The following RSPH14 variants were observed in gnomAD, a reference collection of about 807,000 sequenced individuals.
RSPH14 encodes the protein radial spoke head 14 homolog, also known as rhabdoid tumor deletion region gene 1.
A neutral mutation model predicts 26.7 loss-of-function variants in RSPH14; 20 were observed. The observed-to-expected ratio is 0.75, with a 90% CI of 0.53 to 1.09. The LOEUF is 1.09. RSPH14 is among the 50% of genes least tolerant of loss of function. The pLI, the probability that RSPH14 is intolerant of heterozygous loss-of-function variation, is 0.00. For synonymous variants in RSPH14, 177 were observed against 189.3 expected (o/e 0.93, Z 0.53); for missense variants, 449 against 457.2 (o/e 0.98, Z 0.16).
chr22:23,175,169 T>C, the RSPH14 span, among the ~76,000 whole-genome samples: 15 of 151,978 alleles, frequency 9.9e-5, no homozygotes, highest in South Asian at 3.1e-3. Flanking sequence ...CTAATTTGTT[T>C]TTGTATTTTT....
At chr22:23,122,942 G>T in intron 4 of RSPH14, 1 of 615,798 alleles carries the variant, frequency 1.6e-6, no homozygotes, top group Non-Finnish European at 2.9e-6. Flanking sequence ...TTTAACCTGG[G>T]CTTCCCCAGC....
At chr22:23,111,033 A>C (rs886281738) in intron 4 of RSPH14, among the ~76,000 whole-genome samples, 6 of 152,180 alleles carry the variant, frequency 3.9e-5, no homozygotes, top group African/African-American at 1.4e-4. Context: ...ATGAGGGGGT[A>C]GGATAGCACT....
chr22:23,166,046 T>C, the RSPH14 span, among the ~76,000 whole-genome samples: 8 of 147,818 alleles, frequency 5.4e-5, no homozygotes, highest in African/African-American at 2.0e-4. Flanking sequence ...CTTGGGAGGC[T>C]GAGGCAGGAG....
chr22:23,166,072 G>A, the RSPH14 span, among the ~76,000 whole-genome samples: 2 of 148,336 alleles, frequency 1.3e-5, no homozygotes, highest in African/African-American at 5.0e-5. Context: ...CTTGAACCTG[G>A]GAGGTGGAAG....
At chr22:23,108,519 C>T (rs2069550050) in intron 4 of RSPH14, among the ~76,000 whole-genome samples, 2 of 152,176 alleles carry the variant, frequency 1.3e-5, no homozygotes, top group Non-Finnish European at 2.9e-5. Context: ...ACACAGCCTG[C>T]CATGGAAGGC....
At chr22:23,082,129 A>C (rs2068699031) in intron 4 of RSPH14, among the ~76,000 whole-genome samples, 3 of 119,828 alleles carry the variant, frequency 2.5e-5, no homozygotes, top group South Asian at 4.6e-4. Flanking sequence ...CGCCTCAAAA[A>C]AAAAACAAAA....
chr22:23,089,706 G>A (rs1403933007), intron 4 of RSPH14, among the ~76,000 whole-genome samples: 1 of 152,200 alleles, frequency 6.6e-6, no homozygotes, highest in East Asian at 1.9e-4. Flanking sequence ...GGGTCTTGAG[G>A]GGGATGTCCA....
At chr22:23,156,811 C>T in the RSPH14 span, among the ~76,000 whole-genome samples, 1 of 152,328 alleles carries the variant, frequency 6.6e-6, no homozygotes, top group East Asian at 1.9e-4. Context: ...TTCGCCTCTT[C>T]GGGCCTCTCC....
intron 4 of RSPH14, chr22:23,070,371 G>GGCGGGCGGC (rs2068322375): frequency 1.4e-5 from 2 of 145,766 alleles, no homozygotes; most frequent in Non-Finnish European, 3.0e-5. Context: ...GGCGGCGGGC[G>GGCGGGCGGC]GCGGGCGGCG....
At chr22:23,118,144 C>T (rs1020620076) in intron 4 of RSPH14, among the ~76,000 whole-genome samples, 3 of 152,210 alleles carry the variant, frequency 2.0e-5, no homozygotes, top group Non-Finnish European at 2.9e-5. Context: ...CCTGTCTGAG[C>T]AGGAGCTCTC....
At chr22:23,084,526 A>C (rs900408523) in intron 4 of RSPH14, among the ~76,000 whole-genome samples, 8 of 152,218 alleles carry the variant, frequency 5.3e-5, no homozygotes, top group African/African-American at 1.9e-4. Context: ...TTGTATCAAA[A>C]GCCTTAAACC....
In RSPH14 at chr22:23,134,086, T is replaced by C. The variant is rs1190417591; in HGVS notation, c.361A>G (p.Ser121Gly). ...TACAGGTTCCCCCGGCAGACTGGGC[T>C]GGGGTCATTCAGCAGGAAGGACAGG... ...LALSFLLNDP[S>G]PVCRGNLYKA... Residue 121 changes from serine to glycine, a missense_variant, in exon 4 of 7, where the codon AGC becomes GGC. By Grantham distance (56) the Ser-to-Gly change is moderately conservative (BLOSUM62 0). Coordinates refer to ENST00000216036, the MANE Select transcript of RSPH14 (RefSeq NM_014433.3). 3.1e-6 allele frequency: 5 copies of C among 1,613,548 alleles called. No individual in the cohort carries two copies. Among genetic ancestry groups the C allele is most frequent in the Non-Finnish European group, 4.2e-6 (5 of 1,179,742 alleles).
intron 4 of RSPH14, chr22:23,131,443 T>A (rs1489659188): frequency 2.6e-6 from 1 of 380,912 alleles, no homozygotes; most frequent in East Asian, 7.5e-5. Context: ...GCTTGGACTG[T>A]ACCTATGATT....
At chr22:23,080,383 A>G (rs1382794208) in intron 4 of RSPH14, among the ~76,000 whole-genome samples, 4 of 149,610 alleles carry the variant, frequency 2.7e-5, no homozygotes, top group Admixed American at 6.5e-5. Context: ...CGGTCATCTC[A>G]TCTCCCCTTC....
intron 4 of RSPH14, among the ~76,000 whole-genome samples, chr22:23,117,984 C>A (rs1330203454): frequency 1.3e-5 from 2 of 152,190 alleles, no homozygotes; most frequent in Non-Finnish European, 2.9e-5. Context: ...GTCTGGCCAG[C>A]AGTCTGGCAG....
intron 4 of RSPH14, among the ~76,000 whole-genome samples, chr22:23,099,757 T>G (rs1045090222): frequency 6.6e-6 from 1 of 152,200 alleles, no homozygotes; most frequent in Non-Finnish European, 1.5e-5. Context: ...GTCACTCTGC[T>G]GCCCTAGGAG....
intron 4 of RSPH14, among the ~76,000 whole-genome samples, chr22:23,119,335 C>T (rs1171832486): frequency 6.6e-6 from 1 of 152,228 alleles, no homozygotes; most frequent in Non-Finnish European, 1.5e-5. Context: ...CTTTCAGACC[C>T]AAATATGAGG....
intron 4 of RSPH14, chr22:23,123,077 C>A (rs752517384): frequency 1.3e-6 from 2 of 1,599,016 alleles, no homozygotes; most frequent in Non-Finnish European, 1.7e-6. Context: ...CAGTACTTTC[C>A]TTTCCCCAGA....
At chr22:23,136,233 T>C in intron 3 of RSPH14, 2 of 711,914 alleles carry the variant, frequency 2.8e-6, no homozygotes, top group African/African-American at 1.7e-5. Flanking sequence ...AGCTCTCTTG[T>C]CCGTGGGATG....
Sources: allele counts gnomAD v4.1 joint callset (sites outside exome capture counted in the v4.1 genomes callset), GRCh38; gene constraint gnomAD v4.1.1; transcripts MANE v1.5; gene names NCBI Gene and HGNC (gene_info 2026-07-23, HGNC 2026-07-21).